Variants in TMEM65 observed in about 807,000 individuals in gnomAD.
TMEM65 encodes transmembrane protein 65.
Under a neutral mutation model 25.4 loss-of-function variants are expected in TMEM65, and 22 were observed. The observed-to-expected ratio is 0.86, with a 90% CI of 0.62 to 1.23. TMEM65 has a LOEUF of 1.23. Among genes scored for constraint, TMEM65 ranks in the 50% most tolerant of loss-of-function variants. The pLI is 0.00. For missense variants in TMEM65, 262 were observed against 308.2 expected, an observed-to-expected ratio of 0.85 and a Z score of 1.12; for synonymous variants, 132 against 126.2, an observed-to-expected ratio of 1.05 and a Z score of -0.31.
intron 1 of TMEM65, among the ~76,000 whole-genome samples, chr8:124,332,118 T>C (rs1024217093): frequency 3.3e-5 from 5 of 152,174 alleles, no homozygotes; most frequent in African/African-American, 1.2e-4. Flanking sequence ...TTAAAATATA[T>C]TCTTATTTTT....
chr8:124,371,671 C>A (rs1323650252), intron 1 of TMEM65, among the ~76,000 whole-genome samples, 183 bp downstream of exon 1: 1 of 152,202 alleles, frequency 6.6e-6, no homozygotes, highest in African/African-American at 2.4e-5. Flanking sequence ...CTGGGGGAAA[C>A]TCGGGCGGCG....
chr8:124,325,844 C>A (rs1814360161), intron 3 of TMEM65, among the ~76,000 whole-genome samples: 1 of 152,020 alleles, frequency 6.6e-6, no homozygotes. Context: ...CAAAACCATT[C>A]TTGAATAAAC....
chr8:124,313,794 G>T lies in TMEM65; in HGVS notation c.*166C>A. The T allele has an allele frequency of 1.7e-6, 1 of 576,146 alleles. No individual in the cohort carries two copies. The allele number at this position is 576,146 out of a possible 1,614,324, so 35.7% of individuals were successfully genotyped here. On this transcript the variant is annotated 3_prime_UTR_variant, in exon 7 of 7. Coordinates refer to ENST00000297632, the MANE Select transcript of TMEM65 (RefSeq NM_194291.3). ...TACTAAACAGCTTTTTAAAAAAGAT[G>T]TCCTAAGAAGATCAAGCCACAATAA...
chr8:124,345,775 G>C (rs896515277), intron 1 of TMEM65, among the ~76,000 whole-genome samples: 1 of 146,424 alleles, frequency 6.8e-6, no homozygotes, highest in South Asian at 2.1e-4. Flanking sequence ...ATGGAGTCTC[G>C]TTCTGTCACC....
chr8:124,371,825 C>T (rs959359529), intron 1 of TMEM65, 29 bp downstream of exon 1: 27 of 1,494,344 alleles, frequency 1.8e-5, no homozygotes, highest in South Asian at 3.7e-5. Context: ...TCGGGGCCCC[C>T]GGGCTCGCCC....
chr8:124,353,112 G>A (rs1248467170), intron 1 of TMEM65, among the ~76,000 whole-genome samples: 1 of 151,874 alleles, frequency 6.6e-6, no homozygotes, highest in Non-Finnish European at 1.5e-5. Flanking sequence ...AGGTGACAGA[G>A]GGAGACTCTG....
intron 1 of TMEM65, 69 bp downstream of exon 1, chr8:124,371,785 T>C: frequency 7.0e-7 from 1 of 1,428,520 alleles, no homozygotes; most frequent in South Asian, 1.3e-5. Flanking sequence ...CGCAGCGGGC[T>C]CCCGGTGGGC....
At chr8:124,322,203 AT>A (rs1422584053) in intron 4 of TMEM65, 56 bp from the exon 5 acceptor site, 54 of 1,315,448 alleles carry the variant, frequency 4.1e-5, no homozygotes, top group Middle Eastern at 5.0e-4. Flanking sequence ...TTATATCACT[AT>A]GTAATCAATA....
chr8:124,314,106 A>C, intron 6 of TMEM65, 45 bp from the exon 7 acceptor site: 1 of 1,507,420 alleles, frequency 6.6e-7, no homozygotes, highest in Non-Finnish European at 9.2e-7. Context: ...TTTATCTCTG[A>C]TAACAAGAAG....
intron 1 of TMEM65, among the ~76,000 whole-genome samples, chr8:124,348,135 T>G (rs1157953652): frequency 6.6e-6 from 1 of 152,216 alleles, no homozygotes; most frequent in African/African-American, 2.4e-5. Context: ...TTAGTAGAGA[T>G]AGGGTTTCTC....
intron 2 of TMEM65, among the ~76,000 whole-genome samples, chr8:124,328,097 G>T (rs956231804): frequency 2.0e-5 from 3 of 151,962 alleles, no homozygotes; most frequent in African/African-American, 7.3e-5. Flanking sequence ...CATCTATTGG[G>T]TATATAAATT....
At chr8:124,348,280 G>GT (rs11339442) in intron 1 of TMEM65, among the ~76,000 whole-genome samples, 15 of 149,928 alleles carry the variant, frequency 1.0e-4, no homozygotes, top group Admixed American at 2.7e-4. Flanking sequence ...TTTCATGGTA[G>GT]TTTTTTTTTT....
At chr8:124,339,222 A>AAAATATATAT (rs1563594368) in intron 1 of TMEM65, among the ~76,000 whole-genome samples, 14 of 19,900 alleles carry the variant, frequency 7.0e-4, no homozygotes, top group Non-Finnish European at 1.1e-3. Context: ...AAAAAAAAAA[A>AAAATATATAT]ATATATATAT....
intron 1 of TMEM65, among the ~76,000 whole-genome samples, chr8:124,368,540 G>A (rs72711189): frequency 0.014 from 2,061 of 152,284 alleles, 50 homozygotes; most frequent in East Asian, 0.1. Flanking sequence ...TCCAGCTTAG[G>A]TGCCCACAGG....
At chr8:124,319,958 G>A (rs952530769) in intron 6 of TMEM65, 128 bp downstream of exon 6, 8 of 592,952 alleles carry the variant, frequency 1.3e-5, no homozygotes, top group Admixed American at 3.2e-5. Flanking sequence ...AACTGCCAAC[G>A]TCTAGACAAT....
At chr8:124,345,665 A>C (rs1814632174) in intron 1 of TMEM65, among the ~76,000 whole-genome samples, 1 of 152,192 alleles carries the variant, frequency 6.6e-6, no homozygotes, top group Admixed American at 6.6e-5. Flanking sequence ...ACATTACCGT[A>C]TTAATCCATT....
chr8:124,363,852 A>AAAAAAAAC (rs1236826662), intron 1 of TMEM65, among the ~76,000 whole-genome samples: 4 of 149,814 alleles, frequency 2.7e-5, no homozygotes, highest in African/African-American at 9.8e-5. Context: ...AAAAAAAAAA[A>AAAAAAAAC]AAAAAAAAAA....
intron 1 of TMEM65, 23 bp from the exon 2 acceptor site, chr8:124,330,815 G>A (rs1814422902): frequency 6.4e-7 from 1 of 1,574,420 alleles, no homozygotes; most frequent in Non-Finnish European, 8.6e-7. Flanking sequence ...AAAAGGATGT[G>A]GGGCAAGAAT....
chr8:124,347,733 A>G (rs117723105), intron 1 of TMEM65, among the ~76,000 whole-genome samples: 1,992 of 152,310 alleles, frequency 0.013, 7 homozygotes, highest in Non-Finnish European at 0.02. Flanking sequence ...GACCAGTGGT[A>G]TAACAGCTGA....
Sources: gnomAD v4.1 joint callset for allele counts (sites outside exome capture counted in the v4.1 genomes callset) on GRCh38, gnomAD v4.1.1 for gene constraint, MANE v1.5 for transcripts, NCBI Gene and HGNC (gene_info 2026-07-23, HGNC 2026-07-21) for gene names.